The following CDH13 variants were observed in gnomAD, a reference collection of about 807,000 sequenced individuals.
CDH13 encodes cadherin 13, also known as cadherin-13.
In CDH13, 24 loss-of-function variants were observed where a neutral mutation model predicts 63.8. The observed-to-expected ratio is 0.38, with a 90% CI of 0.27 to 0.53. CDH13 has a LOEUF of 0.53. CDH13 is among the 20% of genes least tolerant of loss of function. The pLI, the probability that CDH13 is intolerant of heterozygous loss-of-function variation, is 0.85. For synonymous variants in CDH13, 503 were observed against 355.3 expected (o/e 1.42, Z -4.67); for missense variants, 1,049 against 903.1 (o/e 1.16, Z -2.07).
chr16:83,201,636 G>A (rs577597423), intron 4 of CDH13, among the ~76,000 whole-genome samples: 3 of 151,940 alleles, frequency 2.0e-5, no homozygotes, highest in Admixed American at 6.6e-5. Flanking sequence ...GGTGGCTCAC[G>A]CCTGTAATCC....
chr16:82,705,800 T>C (rs760580918), intron 1 of CDH13, among the ~76,000 whole-genome samples: 1 of 152,222 alleles, frequency 6.6e-6, no homozygotes, highest in Non-Finnish European at 1.5e-5. Context: ...GTGCTTCTCA[T>C]TTTGTTTATG....
intron 6 of CDH13, among the ~76,000 whole-genome samples, chr16:83,405,405 G>A (rs546356627): frequency 5.3e-4 from 80 of 152,278 alleles, no homozygotes; most frequent in African/African-American, 1.3e-3. Context: ...AACCACAAGG[G>A]TCCTTATAAG....
At chr16:83,281,311 A>G (rs1006832834) in intron 5 of CDH13, among the ~76,000 whole-genome samples, 1 of 152,162 alleles carries the variant, frequency 6.6e-6, no homozygotes, top group Non-Finnish European at 1.5e-5. Flanking sequence ...CGTTAGGTTC[A>G]GACTTTTCTT....
intron 7 of CDH13, among the ~76,000 whole-genome samples, chr16:83,519,565 T>C (rs533221467): frequency 6.6e-6 from 1 of 152,320 alleles, no homozygotes; most frequent in Admixed American, 6.5e-5. Context: ...ACTAATCCAG[T>C]TATAAGTTTA....
rs562381483 is a variant in CDH13, at chr16:83,019,836, T to TAA, written c.158-12157_158-12156dup. On this transcript the variant is annotated intron_variant, in intron 2 of 13. Coordinates refer to ENST00000567109, the MANE Select transcript of CDH13 (RefSeq NM_001257.5). ...AATGGGTAGAAGGAGGAGTACACTC[T>TAA]AAAAAAAAAAAAAAAAAACAATAAA... Among the ~76,000 whole-genome samples, 458 of 100,772 alleles carry TAA rather than the reference T, an allele frequency of 4.5e-3. 1 individual carries two copies. Among genetic ancestry groups the TAA allele is most frequent in the African/African-American group, 0.011 (291 of 27,038 alleles). The allele number at this position is 100,772 out of a possible 152,430, so 66.1% of individuals were successfully genotyped here.
chr16:83,173,384 A>C (rs1007364077), intron 4 of CDH13, among the ~76,000 whole-genome samples: 1 of 152,112 alleles, frequency 6.6e-6, no homozygotes, highest in East Asian at 1.9e-4. Flanking sequence ...ATATGCTATT[A>C]TCTTAGGGAA....
At chr16:83,417,972 T>C (rs530143814) in intron 6 of CDH13, among the ~76,000 whole-genome samples, 2 of 152,076 alleles carry the variant, frequency 1.3e-5, no homozygotes, top group African/African-American at 2.4e-5. Context: ...AAAACTCCTA[T>C]ACATCCTTTA....
At chr16:83,637,436 C>T (rs376290432) in intron 8 of CDH13, among the ~76,000 whole-genome samples, 1,365 of 71,840 alleles carry the variant, frequency 0.019, 181 homozygotes, top group African/African-American at 0.074. Context: ...GTGCGCGAGC[C>T]GAAGCAGGGC....
chr16:83,713,537 T>C (rs1567541583), intron 10 of CDH13, among the ~76,000 whole-genome samples: 2 of 151,984 alleles, frequency 1.3e-5, no homozygotes, highest in Non-Finnish European at 2.9e-5. Flanking sequence ...CCTCTTCAAA[T>C]TTGTAGGTAA....
chr16:83,080,753 C>T (rs868708026), intron 3 of CDH13, among the ~76,000 whole-genome samples: 1 of 151,770 alleles, frequency 6.6e-6, no homozygotes, highest in Non-Finnish European at 1.5e-5. Flanking sequence ...TTTGTTCTAA[C>T]CCACAAGGAA....
chr16:83,084,359 G>T lies in CDH13; in HGVS notation c.367-41026G>T, dbSNP rs766546989. Among the ~76,000 whole-genome samples the T allele has an allele frequency of 3.9e-5, 6 of 152,320 alleles. No individual in the cohort carries two copies. The South Asian group carries it at 1.2e-3, about 32-fold the overall frequency. On this transcript the variant is annotated intron_variant, in intron 3 of 13. Coordinates refer to ENST00000567109, the MANE Select transcript of CDH13 (RefSeq NM_001257.5). ...TGTGTCCCTTTTTACGTTCATGTCT[G>T]TCCAGAAGTATTCATCTTCTCTTTG...
In CDH13 at chr16:83,466,395, A is replaced by G. The variant is rs137904535; in HGVS notation, c.782-20082A>G. On this transcript the variant is annotated intron_variant, in intron 6 of 13. Transcript: ENST00000567109. ...GCTGGACATTAGAACCGCCTTATAT[A>G]CAGAAACAGTCCAGCAACAGAGGGC... Among the ~76,000 whole-genome samples, 875 of 152,312 alleles carry G rather than the reference A, an allele frequency of 5.7e-3. 13 individuals are homozygous for G. Among genetic ancestry groups the G allele is most frequent in the African/African-American group, 0.019 (781 of 41,560 alleles).
At chr16:82,723,072 G>A (rs757852546) in intron 1 of CDH13, 3 of 152,228 alleles carry the variant, frequency 2.0e-5, no homozygotes, top group Admixed American at 6.5e-5. Context: ...CTGGAAATGA[G>A]TACTAAAGCC....
intron 5 of CDH13, among the ~76,000 whole-genome samples, chr16:83,256,955 G>C (rs1477418): frequency 0.9 from 136,388 of 152,112 alleles, 61,214 homozygotes; most frequent in East Asian, 1. Flanking sequence ...CCTGCTATAT[G>C]TTGGGGCCTG....
At chr16:82,950,547 C>G (rs1467665948) in intron 2 of CDH13, among the ~76,000 whole-genome samples, 1 of 152,146 alleles carries the variant, frequency 6.6e-6, no homozygotes, top group Non-Finnish European at 1.5e-5. Flanking sequence ...GGTTCTCATT[C>G]TCTTTTTCAC....
At chr16:83,608,260 C>T (rs960523829) in intron 8 of CDH13, among the ~76,000 whole-genome samples, 2 of 152,130 alleles carry the variant, frequency 1.3e-5, no homozygotes, top group Non-Finnish European at 2.9e-5. Context: ...ATCCTGTCCT[C>T]CAGCTGGAAA....
At chr16:83,489,297 G>T (rs973645973) in intron 7 of CDH13, among the ~76,000 whole-genome samples, 6 of 152,062 alleles carry the variant, frequency 3.9e-5, no homozygotes, top group African/African-American at 1.4e-4. Flanking sequence ...TGTAATTATG[G>T]AAGTTGAATT....
At chr16:83,141,966 C>T (rs1191460615) in intron 4 of CDH13, among the ~76,000 whole-genome samples, 2 of 152,074 alleles carry the variant, frequency 1.3e-5, no homozygotes, top group African/African-American at 4.8e-5. Flanking sequence ...CAGGACCCAC[C>T]CAGTCTTTGA....
chr16:82,696,678 G>A (rs11150487), intron 1 of CDH13, among the ~76,000 whole-genome samples: 1 of 152,004 alleles, frequency 6.6e-6, no homozygotes, highest in African/African-American at 2.4e-5. Context: ...ACTCAGTTAG[G>A]TCAACTGTGG....
Sources: allele counts gnomAD v4.1 joint callset (sites outside exome capture counted in the v4.1 genomes callset), GRCh38; gene constraint gnomAD v4.1.1; transcripts MANE v1.5; gene names NCBI Gene and HGNC (gene_info 2026-07-23, HGNC 2026-07-21).